The following CDH12 variants were observed in gnomAD, a reference collection of about 807,000 sequenced individuals.
The protein encoded by CDH12 is cadherin-12.
CDH12 carries 41 observed loss-of-function variants against 74.1 expected under a neutral mutation model. That is an observed-to-expected ratio of 0.55 (90% CI 0.43 to 0.72). The LOEUF (loss-of-function observed/expected upper bound fraction) is 0.72. Ranked by LOEUF, CDH12 falls within the 30% of genes least tolerant of loss-of-function variation. The pLI, the probability that CDH12 is intolerant of heterozygous loss-of-function variation, is 0.00. For missense variants in CDH12, 945 were observed against 977.2 expected (o/e 0.97, Z 0.44); for synonymous variants, 399 against 355.0 (o/e 1.12, Z -1.39).
chr5:22,190,267 C>T lies in CDH12; in HGVS notation c.-187+22231G>A, dbSNP rs532584943. On this transcript the variant is annotated intron_variant, in intron 4 of 14. Transcript: ENST00000382254. ...ATAAATATGACACTACATATAGACA[C>T]ACAATTTTCATTTTTCAAGTACATT... 3.3e-5 allele frequency among the ~76,000 whole-genome samples: 5 copies of T among 152,086 alleles called. No individual in the cohort carries two copies. The East Asian group carries it at 5.8e-4, about 18-fold the overall frequency.
intron 3 of CDH12, among the ~76,000 whole-genome samples, chr5:22,217,829 A>G (rs760528705): frequency 4.0e-5 from 6 of 151,832 alleles, no homozygotes; most frequent in Non-Finnish European, 7.4e-5. Context: ...CTTACTGAGT[A>G]GATAGGTTTA....
At chr5:22,374,649 T>C (rs1741442534) in intron 3 of CDH12, among the ~76,000 whole-genome samples, 1 of 152,088 alleles carries the variant, frequency 6.6e-6, no homozygotes, top group Non-Finnish European at 1.5e-5. Context: ...TCATAAGCAT[T>C]TCTATACTTC....
At chr5:21,885,895 A>G (rs1242473169) in intron 6 of CDH12, among the ~76,000 whole-genome samples, 2 of 152,100 alleles carry the variant, frequency 1.3e-5, no homozygotes, top group Non-Finnish European at 2.9e-5. Flanking sequence ...TGTTCTCTTC[A>G]TGTCACCTGT....
intron 1 of CDH12, among the ~76,000 whole-genome samples, chr5:22,735,240 A>G (rs1378376957): frequency 6.6e-6 from 1 of 151,916 alleles, no homozygotes; most frequent in Non-Finnish European, 1.5e-5. Context: ...TAGGAGCAGT[A>G]TTGTTACTTT....
chr5:21,965,462 T>C (rs1397781906), intron 6 of CDH12, among the ~76,000 whole-genome samples: 2 of 152,136 alleles, frequency 1.3e-5, no homozygotes, highest in African/African-American at 4.8e-5. Context: ...AATGTTTTTC[T>C]CAGAGGCAAA....
At chr5:22,446,894 A>G (rs1425470596) in intron 2 of CDH12, among the ~76,000 whole-genome samples, 1 of 152,124 alleles carries the variant, frequency 6.6e-6, no homozygotes, top group African/African-American at 2.4e-5. Context: ...TGAATAGTCA[A>G]TGAATCAAAA....
At chr5:21,962,393 T>G (rs1756397635) in intron 6 of CDH12, among the ~76,000 whole-genome samples, 1 of 152,210 alleles carries the variant, frequency 6.6e-6, no homozygotes, top group South Asian at 2.1e-4. Flanking sequence ...ATTGTATATT[T>G]TGCACTTGTT....
chr5:22,071,274 G>A (rs1166952502), intron 5 of CDH12, among the ~76,000 whole-genome samples: 1 of 151,694 alleles, frequency 6.6e-6, no homozygotes, highest in African/African-American at 2.4e-5. Context: ...ATATCTGTAG[G>A]ATTAAACTGA....
At chr5:22,352,734 T>C (rs1485370523) in intron 3 of CDH12, among the ~76,000 whole-genome samples, 1 of 152,170 alleles carries the variant, frequency 6.6e-6, no homozygotes, top group Non-Finnish European at 1.5e-5. Context: ...CTCTTTGAAA[T>C]AGTTAAGTGA....
At chr5:22,831,527 A>G (rs1736611989) in intron 1 of CDH12, among the ~76,000 whole-genome samples, 1 of 152,108 alleles carries the variant, frequency 6.6e-6, no homozygotes, top group African/African-American at 2.4e-5. Flanking sequence ...GATAGATTAC[A>G]TTAGCTATAT....
chr5:21,935,995 T>A lies in CDH12; in HGVS notation c.526+39096A>T, dbSNP rs145338554. Among the ~76,000 whole-genome samples, 1,454 of 152,362 alleles carry A rather than the reference T, an allele frequency of 9.5e-3. 21 individuals carry two copies. The highest frequency in any genetic ancestry group is 0.033 in the African/African-American group (1,365 of 41,582). ...TATATTTTCTTTATTCATTCATCTC[T>A]TGATGGATGCTTAGGTTGATTCCAA... On this transcript the variant is annotated intron_variant, in intron 6 of 14. Coordinates refer to ENST00000382254, the MANE Select transcript of CDH12 (RefSeq NM_004061.5).
intron 4 of CDH12, among the ~76,000 whole-genome samples, chr5:22,145,898 A>C (rs896279639): frequency 2.0e-5 from 3 of 152,198 alleles, no homozygotes; most frequent in Non-Finnish European, 2.9e-5. Flanking sequence ...CAGCTCAGAA[A>C]TTCAATCTGA....
chr5:22,620,909 T>C (rs529715657), intron 1 of CDH12, among the ~76,000 whole-genome samples: 2 of 152,328 alleles, frequency 1.3e-5, no homozygotes, highest in African/African-American at 2.4e-5. Context: ...ATGAAATGCA[T>C]TCATTTCCTT....
chr5:22,695,641 C>G (rs1428323707), intron 1 of CDH12, among the ~76,000 whole-genome samples: 1 of 152,134 alleles, frequency 6.6e-6, no homozygotes. Context: ...CTAGTTTCTT[C>G]TTGACAATCT....
chr5:22,733,117 A>G (rs1231199049), intron 1 of CDH12, among the ~76,000 whole-genome samples: 1 of 151,972 alleles, frequency 6.6e-6, no homozygotes, highest in Non-Finnish European at 1.5e-5. Flanking sequence ...AATGAACACA[A>G]TAATAAATAC....
chr5:22,549,609 C>T (rs1738476358), intron 1 of CDH12, among the ~76,000 whole-genome samples: 1 of 152,068 alleles, frequency 6.6e-6, no homozygotes, highest in Non-Finnish European at 1.5e-5. Flanking sequence ...GATACAGTAC[C>T]ATAGTTACAG....
intron 3 of CDH12, among the ~76,000 whole-genome samples, chr5:22,356,622 TTAAA>T (rs1372936331): frequency 5.9e-5 from 9 of 152,146 alleles, no homozygotes; most frequent in African/African-American, 1.7e-4. Context: ...AGACTGAGTC[TTAAA>T]TAATTTGCAT....
chr5:21,912,221 T>C (rs1164579161), intron 6 of CDH12, among the ~76,000 whole-genome samples: 1 of 152,120 alleles, frequency 6.6e-6, no homozygotes, highest in East Asian at 1.9e-4. Flanking sequence ...AAAATGAATA[T>C]GATATTTAAA....
At chr5:22,066,390 T>A (rs4585407) in intron 5 of CDH12, among the ~76,000 whole-genome samples, 57,070 of 151,906 alleles carry the variant, frequency 0.38, 13,605 homozygotes, top group African/African-American at 0.68. Context: ...AAAGAAAATA[T>A]TCAGACCTTT....
Sources: gnomAD v4.1 joint callset for allele counts (sites outside exome capture counted in the v4.1 genomes callset) on GRCh38, gnomAD v4.1.1 for gene constraint, MANE v1.5 for transcripts, NCBI Gene and HGNC (gene_info 2026-07-23, HGNC 2026-07-21) for gene names.